COBL: variants seen among roughly 807,000 people sequenced by gnomAD.
COBL encodes protein cordon-bleu.
In COBL, 51 loss-of-function variants were observed where a neutral mutation model predicts 98.8. The observed-to-expected ratio is 0.52, with a 90% CI of 0.41 to 0.65. The LOEUF (loss-of-function observed/expected upper bound fraction) is 0.65. Among genes scored for constraint, COBL ranks in the 30% least tolerant of loss-of-function variants. The pLI is 0.00. For missense variants in COBL, 1,617 were observed against 1,617.5 expected (o/e 1.00, Z 0.01); for synonymous variants, 634 against 651.7 (o/e 0.97, Z 0.41).
chr7:51,267,673 C>G (rs909620083), intron 1 of COBL, among the ~76,000 whole-genome samples: 1 of 152,128 alleles, frequency 6.6e-6, no homozygotes, highest in African/African-American at 2.4e-5. Flanking sequence ...CTCCCAGTTT[C>G]AAGCAATTCT....
intron 6 of COBL, among the ~76,000 whole-genome samples, chr7:51,135,409 T>C (rs1230698531): frequency 2.0e-5 from 3 of 151,942 alleles, no homozygotes; most frequent in Non-Finnish European, 4.4e-5. Flanking sequence ...AGAACAACCA[T>C]GAAGGAACAG....
chr7:51,076,574 ACT>A (rs1401583632), intron 7 of COBL, among the ~76,000 whole-genome samples: 2 of 152,066 alleles, frequency 1.3e-5, no homozygotes, highest in South Asian at 4.1e-4. Context: ...AACTCAAGAT[ACT>A]CTCTTCTAAT....
Position 51,043,616 on chromosome 7 carries a change from G to C in COBL, c.1173C>G (p.Thr391=), listed in dbSNP as rs377501206. 6 of 1,614,052 alleles carry C rather than the reference G, an allele frequency of 3.7e-6. No homozygotes were observed. In the African/African-American group the frequency reaches 6.7e-5, roughly 18 times the overall value. The change falls in exon 8 of 13, where the codon ACC becomes ACG. Residue 391 remains threonine (T), a synonymous_variant. Transcript: ENST00000265136. The stretch of plus-strand genomic sequence containing the variant: ...ACGCAAAACAGCTGCCAACTGACAC[G>C]GTCTCCTCCGCCTCTGACAGCACCT... The part of the protein sequence containing the change: ...APQVLSEAEE[T]VSVGSCFASE...
At chr7:51,207,356 A>G (rs1019627450) in intron 2 of COBL, among the ~76,000 whole-genome samples, 13 of 151,980 alleles carry the variant, frequency 8.6e-5, no homozygotes, top group African/African-American at 3.1e-4. Flanking sequence ...CAATTGGAAG[A>G]CTCTAAAATA....
At chr7:51,278,960 C>T (rs190199442) in intron 1 of COBL, among the ~76,000 whole-genome samples, 5 of 152,194 alleles carry the variant, frequency 3.3e-5, no homozygotes, top group Non-Finnish European at 5.9e-5. Flanking sequence ...ACGCAGCAGG[C>T]GGCAGGTGGC....
chr7:51,101,833 C>A (rs771297037), intron 6 of COBL, among the ~76,000 whole-genome samples: 1 of 152,172 alleles, frequency 6.6e-6, no homozygotes, highest in Non-Finnish European at 1.5e-5. Flanking sequence ...CTTCCCGCAA[C>A]CAGGAAATCT....
rs1232099381 is a variant in COBL, at chr7:51,017,040, C to G, written c.*511G>C. 2.5e-6 allele frequency: 1 copy of G among 402,136 alleles called. No homozygotes were observed. Among genetic ancestry groups the G allele is most frequent in the East Asian group, 3.5e-5 (1 of 28,194 alleles). 24.9% of individuals were successfully genotyped at this position (402,136 alleles called of 1,614,324 possible). A position where few individuals can be genotyped will look rare whatever the true frequency, so the allele number is the denominator to read the frequency against. On this transcript the variant is annotated 3_prime_UTR_variant, in exon 13 of 13. Transcript: ENST00000265136. Reference sequence around the variant, plus strand: ...ACAAAGCCACCTTTGAAAAGCCTCCCAATTTTTTTTTCTTACTACCAAAAC... The same window carrying G: ...ACAAAGCCACCTTTGAAAAGCCTCCGAATTTTTTTTTCTTACTACCAAAAC...
intron 1 of COBL, among the ~76,000 whole-genome samples, chr7:51,281,894 C>A (rs548056231): frequency 1.3e-5 from 2 of 152,136 alleles, no homozygotes; most frequent in African/African-American, 4.8e-5. Context: ...TTTTTGAGTT[C>A]TTTAAAATGT....
Position 51,168,862 on chromosome 7 carries a change from G to T in COBL, c.783+15240C>A, listed in dbSNP as rs114440399. Among the ~76,000 whole-genome samples, 408 of 152,314 alleles carry T rather than the reference G, an allele frequency of 2.7e-3. 4 individuals are homozygous for T. The highest frequency in any genetic ancestry group is 9.4e-3 in the African/African-American group (391 of 41,566). On this transcript the variant is annotated intron_variant, in intron 5 of 12. Transcript: ENST00000265136. ...TGTTCACAATAGCTAAGACCTAAGT[G>T]TCCATCAGCAGATGAATGGATAAAG...
At chr7:51,080,739 A>G (rs939768781) in intron 7 of COBL, among the ~76,000 whole-genome samples, 56 of 152,158 alleles carry the variant, frequency 3.7e-4, no homozygotes, top group Non-Finnish European at 1.0e-4. Context: ...GTCTCCACTG[A>G]GCTTCCACAC....
intron 6 of COBL, among the ~76,000 whole-genome samples, chr7:51,101,437 G>T (rs1300484786): frequency 6.6e-6 from 1 of 152,190 alleles, no homozygotes; most frequent in East Asian, 1.9e-4. Context: ...TATAAAGGAA[G>T]AAACTGAAGA....
chr7:51,121,518 T>C (rs977040343), intron 6 of COBL, among the ~76,000 whole-genome samples: 5 of 152,340 alleles, frequency 3.3e-5, no homozygotes, highest in African/African-American at 1.2e-4. Context: ...GCTTTGCAGA[T>C]ACTAAAATTT....
chr7:51,290,391 C>A (rs1800781711), intron 1 of COBL, among the ~76,000 whole-genome samples: 1 of 152,130 alleles, frequency 6.6e-6, no homozygotes, highest in Non-Finnish European at 1.5e-5. Context: ...AGGGTCCTTT[C>A]CAGCAGAGAT....
chr7:51,134,522 A>G (rs963991155), intron 6 of COBL, among the ~76,000 whole-genome samples: 1 of 152,240 alleles, frequency 6.6e-6, no homozygotes, highest in Non-Finnish European at 1.5e-5. Flanking sequence ...TTCTGGGTGG[A>G]AGAAATTTTT....
chr7:51,277,544 C>T (rs1346303798), intron 1 of COBL, among the ~76,000 whole-genome samples: 1 of 152,184 alleles, frequency 6.6e-6, no homozygotes, highest in South Asian at 2.1e-4. Context: ...TCACACGCAG[C>T]AAGAGTCGGT....
At chr7:51,272,946 TACCAACAAC>T (rs1012716994) in intron 1 of COBL, among the ~76,000 whole-genome samples, 17 of 148,586 alleles carry the variant, frequency 1.1e-4, no homozygotes, top group African/African-American at 4.1e-4. Flanking sequence ...TGGAACACAA[TACCAACAAC>T]AACAACAACA....
intron 1 of COBL, among the ~76,000 whole-genome samples, chr7:51,282,818 A>C (rs1757266091): frequency 6.6e-6 from 1 of 151,982 alleles, no homozygotes; most frequent in African/African-American, 2.4e-5. Context: ...CTTACCAAAT[A>C]TAAAAAAAAA....
intron 1 of COBL, among the ~76,000 whole-genome samples, chr7:51,277,424 G>A (rs1039093938): frequency 1.2e-4 from 19 of 152,176 alleles, no homozygotes; most frequent in East Asian, 5.8e-4. Context: ...AGCTGAAGAC[G>A]ACGTGGGAAT....
intron 6 of COBL, among the ~76,000 whole-genome samples, chr7:51,106,200 CA>C (rs61220710): frequency 0.05 from 5,146 of 102,658 alleles, 217 homozygotes; most frequent in African/African-American, 0.15. Flanking sequence ...CGAGATGTCT[CA>C]AAAAAAAAAA....
Sources: allele counts gnomAD v4.1 joint callset (sites outside exome capture counted in the v4.1 genomes callset), GRCh38; gene constraint gnomAD v4.1.1; transcripts MANE v1.5; gene names NCBI Gene and HGNC (gene_info 2026-07-23, HGNC 2026-07-21).